The following TRIP12 variants were observed in gnomAD, a reference collection of about 807,000 sequenced individuals.
The protein encoded by TRIP12 is E3 ubiquitin-protein ligase TRIP12.
In TRIP12, 25 loss-of-function variants were observed where a neutral mutation model predicts 244.2. The observed-to-expected ratio is 0.10, with a 90% CI of 0.07 to 0.14. TRIP12 has a LOEUF of 0.14. Among genes scored for constraint, TRIP12 ranks in the 10% least tolerant of loss-of-function variants. The pLI, the probability that TRIP12 is intolerant of heterozygous loss-of-function variation, is 1.00. For synonymous variants in TRIP12, 905 were observed against 873.1 expected (o/e 1.04, Z -0.64); for missense variants, 1,677 against 2,486.4 (o/e 0.67, Z 6.92).
intron 30 of TRIP12, among the ~76,000 whole-genome samples, chr2:229,790,170 G>T (rs1276261290): frequency 6.6e-6 from 1 of 152,106 alleles, no homozygotes; most frequent in East Asian, 1.9e-4. Context: ...TAAAAATCTG[G>T]TAAAAGAGAC....
At chr2:229,807,004 A>G (rs1187974484) in intron 17 of TRIP12, among the ~76,000 whole-genome samples, 1 of 152,238 alleles carries the variant, frequency 6.6e-6, no homozygotes, top group African/African-American at 2.4e-5. Context: ...AGCAAATATT[A>G]TGCTCATTTA....
At chr2:229,872,678 T>C (rs1246979872) in intron 2 of TRIP12, among the ~76,000 whole-genome samples, 3 of 152,154 alleles carry the variant, frequency 2.0e-5, no homozygotes, top group Non-Finnish European at 2.9e-5. Context: ...AAAATACAAA[T>C]ACAAAGCTGT....
chr2:229,815,348 T>C (rs766805148), intron 9 of TRIP12, 40 bp from the exon 10 acceptor site: 14 of 1,218,450 alleles, frequency 1.1e-5, no homozygotes, highest in Middle Eastern at 2.8e-4. Context: ...CTATATTCCT[T>C]GGGAAAATCC....
chr2:229,879,867 C>A, intron 2 of TRIP12, 115 bp downstream of exon 2: 2 of 1,180,082 alleles, frequency 1.7e-6, no homozygotes, highest in Non-Finnish European at 2.5e-6. Flanking sequence ...GCTCACAAAT[C>A]AGGAAAAATT....
At chr2:229,915,719 AG>A in intron 1 of TRIP12, among the ~76,000 whole-genome samples, 1 of 151,996 alleles carries the variant, frequency 6.6e-6, no homozygotes, top group East Asian at 1.9e-4. Flanking sequence ...TTTTTGAGAC[AG>A]GGTCTCACGG....
intron 1 of TRIP12, among the ~76,000 whole-genome samples, chr2:229,920,007 T>C (rs1395847222): frequency 6.6e-6 from 1 of 152,246 alleles, no homozygotes; most frequent in East Asian, 1.9e-4. Context: ...AAAATCAGCC[T>C]CAATAAAATC....
At position 229,921,973 on chromosome 2, in the gene TRIP12, G is replaced by C. The variant is rs113340201; in HGVS notation, c.-143C>G. 0.073 allele frequency: 10,764 copies of C among 147,180 alleles called. 543 individuals carry two copies. Among genetic ancestry groups the C allele is most frequent in the Non-Finnish European group, 0.12 (7,940 of 67,048 alleles). The allele number at this position is 147,180 out of a possible 1,614,324, so 9.1% of individuals were successfully genotyped here. A position where few individuals can be genotyped will look rare whatever the true frequency, so the allele number is the denominator to read the frequency against. ...CCCCCCCCAGCGGCGCGGCGGCGGC[G>C]GCTCCGGGTTCCTTCAATTATCAGC... On this transcript the variant is annotated 5_prime_UTR_variant, in exon 1 of 42. Coordinates refer to ENST00000675903, the MANE Select transcript of TRIP12 (RefSeq NM_001348323.3).
chr2:229,800,428 T>A (rs1377854185), intron 21 of TRIP12, among the ~76,000 whole-genome samples: 1 of 152,174 alleles, frequency 6.6e-6, no homozygotes, highest in African/African-American at 2.4e-5. Flanking sequence ...GTGGTTTAGT[T>A]GGTCTGTGGC....
chr2:229,883,899 A>G (rs573288739), intron 1 of TRIP12, among the ~76,000 whole-genome samples: 12 of 152,178 alleles, frequency 7.9e-5, no homozygotes, highest in Non-Finnish European at 1.6e-4. Flanking sequence ...ACGTGAGGTC[A>G]TGAGTTCGAG....
chr2:229,843,878 CGAAAA>C (rs1317594031), intron 4 of TRIP12, among the ~76,000 whole-genome samples: 4 of 146,722 alleles, frequency 2.7e-5, no homozygotes, highest in African/African-American at 1.0e-4. Flanking sequence ...CAAGACCTTG[CGAAAA>C]GAAAAGGAAG....
chr2:229,902,484 A>G (rs966828786), intron 1 of TRIP12, among the ~76,000 whole-genome samples: 1 of 152,248 alleles, frequency 6.6e-6, no homozygotes, highest in African/African-American at 2.4e-5. Context: ...AAAAGAAATC[A>G]CTGATATTAT....
intron 6 of TRIP12, among the ~76,000 whole-genome samples, chr2:229,834,406 T>G (rs116994930): frequency 6.6e-6 from 1 of 152,318 alleles, no homozygotes; most frequent in East Asian, 1.9e-4. Flanking sequence ...ACCACTAGCA[T>G]TTGCAAGACT....
At chr2:229,780,416 G>A (rs1399088827) in intron 34 of TRIP12, among the ~76,000 whole-genome samples, 3 of 152,296 alleles carry the variant, frequency 2.0e-5, no homozygotes, top group African/African-American at 7.2e-5. Flanking sequence ...CCGACATCTT[G>A]TATCCCATTC....
At position 229,768,729 on chromosome 2, in the gene TRIP12, A is replaced by G. The variant is rs773431149; in HGVS notation, c.5904-10T>C. ...AAACTTCACAGCCCGACTATAACAG[A>G]AATAAATATACCAAAATTATTTCAT... On this transcript the variant is annotated splice_polypyrimidine_tract_variant and intron_variant, in intron 40 of 41. Coordinates refer to ENST00000675903, the MANE Select transcript of TRIP12 (RefSeq NM_001348323.3). 5.0e-5 allele frequency: 79 copies of G among 1,593,442 alleles called. No homozygotes were observed. Among genetic ancestry groups the G allele is most frequent in the Non-Finnish European group, 6.3e-5 (74 of 1,174,062 alleles).
At chr2:229,911,079 A>G (rs951878372) in intron 1 of TRIP12, among the ~76,000 whole-genome samples, 4 of 152,224 alleles carry the variant, frequency 2.6e-5, no homozygotes, top group Non-Finnish European at 5.9e-5. Context: ...CATATAAAGG[A>G]AAAAATATAT....
chr2:229,772,108 T>G (rs1042825250), intron 38 of TRIP12, among the ~76,000 whole-genome samples: 4 of 152,196 alleles, frequency 2.6e-5, no homozygotes, highest in African/African-American at 7.2e-5. Flanking sequence ...TGCTTCCTAC[T>G]AAAAGTAGGC....
chr2:229,777,023 T>C (rs1486218369), intron 37 of TRIP12, among the ~76,000 whole-genome samples: 1 of 152,200 alleles, frequency 6.6e-6, no homozygotes, highest in Non-Finnish European at 1.5e-5. Flanking sequence ...AAAGATGATA[T>C]AATGTCTGCC....
intron 1 of TRIP12, among the ~76,000 whole-genome samples, chr2:229,903,628 A>C (rs532574743): frequency 6.6e-6 from 1 of 152,256 alleles, no homozygotes; most frequent in East Asian, 1.9e-4. Flanking sequence ...CACATCCTGC[A>C]CAAGGTTAAT....
intron 38 of TRIP12, among the ~76,000 whole-genome samples, chr2:229,772,255 A>G (rs773283838): frequency 6.6e-5 from 10 of 152,250 alleles, no homozygotes; most frequent in Non-Finnish European, 1.3e-4. Flanking sequence ...AAATGAAAAC[A>G]TTAGGATTTT....
Sources: gnomAD v4.1 joint callset for allele counts (sites outside exome capture counted in the v4.1 genomes callset) on GRCh38, gnomAD v4.1.1 for gene constraint, MANE v1.5 for transcripts, NCBI Gene and HGNC (gene_info 2026-07-23, HGNC 2026-07-21) for gene names.